Variants in EFCAB13 observed in about 807,000 individuals in gnomAD.
The protein encoded by EFCAB13 is EF-hand calcium binding domain 13.
Under a neutral mutation model 110.2 loss-of-function variants are expected in EFCAB13, and 91 were observed. The observed-to-expected ratio is 0.83, with a 90% confidence interval of 0.70 to 0.98. The LOEUF (loss-of-function observed/expected upper bound fraction) is 0.98, where lower values mean the gene tolerates loss of function less well. Ranked by LOEUF, EFCAB13 falls within the 50% of genes least tolerant of loss-of-function variation. EFCAB13 has a pLI of 0.00. For missense variants in EFCAB13, 968 were observed against 1,119.4 expected (o/e 0.86, Z 1.93); for synonymous variants, 323 against 369.9 (o/e 0.87, Z 1.45).
intron 9 of EFCAB13, among the ~76,000 whole-genome samples, chr17:47,355,871 G>C (rs181690640): frequency 2.0e-5 from 3 of 151,950 alleles, no homozygotes; most frequent in South Asian, 2.1e-4. Flanking sequence ...GCACCCAGCA[G>C]TGCTGGGTGC....
chr17:47,390,725 C>T (rs1469460479), intron 14 of EFCAB13, among the ~76,000 whole-genome samples: 1 of 152,082 alleles, frequency 6.6e-6, no homozygotes, highest in Non-Finnish European at 1.5e-5. Context: ...AAATTTTCTG[C>T]TTGTATTTCT....
chr17:47,418,902 A>G (rs1904539812), intron 23 of EFCAB13, among the ~76,000 whole-genome samples: 2 of 152,102 alleles, frequency 1.3e-5, no homozygotes, highest in African/African-American at 4.8e-5. Flanking sequence ...TATTCCTTTT[A>G]TATTTATTCT....
rs952304642 is a variant in EFCAB13, at chr17:47,417,929, C to T, written c.2494+3010C>T. Among the ~76,000 whole-genome samples, 5 of 152,256 alleles carry T rather than the reference C, an allele frequency of 3.3e-5. No homozygotes were observed. In the South Asian group the frequency reaches 8.3e-4, roughly 25 times the overall value. On this transcript the variant is annotated intron_variant, in intron 23 of 24. Transcript: ENST00000331493. ...GGCCTTTAAAGGCTCTTATGACCCC[C>T]TAATGTAGAGGCTGATATCATATTT...
intron 5 of EFCAB13, among the ~76,000 whole-genome samples, chr17:47,335,708 C>T (rs2065345675): frequency 6.6e-6 from 1 of 152,142 alleles, no homozygotes; most frequent in African/African-American, 2.4e-5. Context: ...AACTTAGAAT[C>T]ATGGTGGAAG....
intron 17 of EFCAB13, among the ~76,000 whole-genome samples, chr17:47,397,274 G>A (rs978823782): frequency 2.6e-5 from 4 of 152,170 alleles, no homozygotes; most frequent in Non-Finnish European, 5.9e-5. Context: ...TCGGCCTCCC[G>A]GGGTGCCGGG....
At chr17:47,440,227 C>T (rs1304232291) in intron 24 of EFCAB13, among the ~76,000 whole-genome samples, 1 of 152,084 alleles carries the variant, frequency 6.6e-6, no homozygotes, top group African/African-American at 2.4e-5. Flanking sequence ...TTAGTTAATG[C>T]AGTAGTAAAT....
chr17:47,355,721 C>T (rs779506139), intron 9 of EFCAB13, among the ~76,000 whole-genome samples: 8 of 151,842 alleles, frequency 5.3e-5, no homozygotes, highest in South Asian at 2.1e-4. Flanking sequence ...TACAGTCGCG[C>T]GCCACCAAAC....
At chr17:47,419,838 G>C (rs1270114398) in intron 23 of EFCAB13, among the ~76,000 whole-genome samples, 3 of 152,060 alleles carry the variant, frequency 2.0e-5, no homozygotes, top group Admixed American at 6.5e-5. Flanking sequence ...CTATATTAAA[G>C]TATGTTTTAA....
intron 20 of EFCAB13, among the ~76,000 whole-genome samples, chr17:47,405,722 C>T (rs2065801697): frequency 6.6e-6 from 1 of 151,150 alleles, no homozygotes; most frequent in Non-Finnish European, 1.5e-5. Flanking sequence ...ATATATATAA[C>T]TTTTTTCTTT....
At chr17:47,342,448 G>A (rs778462585) in intron 6 of EFCAB13, among the ~76,000 whole-genome samples, 3 of 152,104 alleles carry the variant, frequency 2.0e-5, no homozygotes, top group African/African-American at 4.8e-5. Flanking sequence ...TTACAAGCAC[G>A]TCTGTCATTG....
At chr17:47,439,312 G>C (rs1349826699) in intron 24 of EFCAB13, among the ~76,000 whole-genome samples, 1 of 151,772 alleles carries the variant, frequency 6.6e-6, no homozygotes, top group Non-Finnish European at 1.5e-5. Flanking sequence ...GAGTAGCTGG[G>C]ATTACAGGCT....
intron 14 of EFCAB13, among the ~76,000 whole-genome samples, chr17:47,388,510 G>A (rs1021579829): frequency 1.3e-5 from 2 of 152,130 alleles, no homozygotes; most frequent in African/African-American, 4.8e-5. Context: ...AAGCCAGATT[G>A]CTTCTGTTCT....
intron 6 of EFCAB13, among the ~76,000 whole-genome samples, chr17:47,342,333 G>A (rs2065390290): frequency 6.6e-6 from 1 of 152,052 alleles, no homozygotes; most frequent in Non-Finnish European, 1.5e-5. Context: ...AACCCTAGGT[G>A]TTCTTTGGTT....
At chr17:47,335,497 C>CA (rs1488545247) in intron 5 of EFCAB13, 141 bp downstream of exon 5, 3 of 634,842 alleles carry the variant, frequency 4.7e-6, no homozygotes, top group Non-Finnish European at 7.2e-6. Context: ...CTTTCAGTAG[C>CA]ATAATTTTAA....
chr17:47,404,552 T>C lies in EFCAB13; in HGVS notation c.2162-10T>C. 6.2e-7 allele frequency: 1 copy of C among 1,609,698 alleles called. No individual in the cohort carries two copies. The highest frequency in any genetic ancestry group is 8.5e-7 in the Non-Finnish European group (1 of 1,177,796). On this transcript the variant is annotated splice_polypyrimidine_tract_variant and intron_variant, in intron 19 of 24. Coordinates refer to ENST00000331493, the MANE Select transcript of EFCAB13 (RefSeq NM_152347.5). The stretch of plus-strand genomic sequence containing the variant: ...GGTTCTTGTTTGTCATCTCTCTCTT[T>C]TCCTTGCAGAAGATAACATGGTGAA...
chr17:47,397,093 G>A (rs574311405), intron 17 of EFCAB13, among the ~76,000 whole-genome samples: 1 of 141,508 alleles, frequency 7.1e-6, no homozygotes, highest in Admixed American at 7.7e-5. Context: ...TGCCATCTCG[G>A]CTCACTGCAA....
chr17:47,385,261 C>T (rs1017249545), intron 14 of EFCAB13, among the ~76,000 whole-genome samples: 6 of 152,174 alleles, frequency 3.9e-5, no homozygotes, highest in Non-Finnish European at 5.9e-5. Context: ...CCATTCTCCC[C>T]TGTCACTTTC....
intron 6 of EFCAB13, 102 bp downstream of exon 6, chr17:47,342,134 C>A: frequency 1.6e-6 from 1 of 641,982 alleles, no homozygotes; most frequent in Non-Finnish European, 2.7e-6. Flanking sequence ...ATGTCACAGT[C>A]TTAAATATCA....
Position 47,391,417 on chromosome 17 carries a change from G to C in EFCAB13, c.1583-20G>C. On this transcript the variant is annotated intron_variant, in intron 14 of 24. Coordinates refer to ENST00000331493, the MANE Select transcript of EFCAB13 (RefSeq NM_152347.5). ...TTTGACTTATATTTAATACTTATTAGCATACTCCTTTATTTTTAGCGTTGC... is the reference window on the plus strand; with the variant it reads ...TTTGACTTATATTTAATACTTATTACCATACTCCTTTATTTTTAGCGTTGC... 6.6e-7 allele frequency: 1 copy of C among 1,517,784 alleles called. No individual in the cohort carries two copies. Among genetic ancestry groups the C allele is most frequent in the Non-Finnish European group, 8.8e-7 (1 of 1,138,528 alleles). 94.0% of individuals were successfully genotyped at this position (1,517,784 alleles called of 1,614,324 possible).
Sources: gnomAD v4.1 joint callset for allele counts (sites outside exome capture counted in the v4.1 genomes callset) on GRCh38, gnomAD v4.1.1 for gene constraint, MANE v1.5 for transcripts, NCBI Gene and HGNC (gene_info 2026-07-23, HGNC 2026-07-21) for gene names.